The following NOX4 variants were observed in gnomAD, a reference collection of about 807,000 sequenced individuals.
NOX4 encodes NADPH oxidase 4.
In NOX4, 69 loss-of-function variants were observed where a neutral mutation model predicts 87.6. That is an observed-to-expected ratio of 0.79 (90% CI 0.65 to 0.96). The LOEUF (loss-of-function observed/expected upper bound fraction) is 0.96. NOX4 is among the 40% of genes least tolerant of loss of function. The pLI is 0.00. For synonymous variants in NOX4, 275 were observed against 238.2 expected (o/e 1.15, Z -1.42); for missense variants, 680 against 681.5 (o/e 1.00, Z 0.02).
chr11:89,550,584 T>A, the NOX4 span, among the ~76,000 whole-genome samples: 3 of 152,336 alleles, frequency 2.0e-5, no homozygotes, highest in South Asian at 6.2e-4. Flanking sequence ...CTTGGCCACA[T>A]AAATGTCTTC....
chr11:89,508,937 A>G, the NOX4 span, among the ~76,000 whole-genome samples: 1 of 152,088 alleles, frequency 6.6e-6, no homozygotes, highest in South Asian at 2.1e-4. Flanking sequence ...AAGACTCAGC[A>G]CAGAGATTTT....
chr11:89,580,641 G>C, the NOX4 span, among the ~76,000 whole-genome samples: 1 of 151,964 alleles, frequency 6.6e-6, no homozygotes, highest in African/African-American at 2.4e-5. Flanking sequence ...GAATATGGAG[G>C]CTCACTCTAT....
intron 6 of NOX4, among the ~76,000 whole-genome samples, 178 bp from the exon 7 acceptor site, chr11:89,433,034 AT>A (rs1943891740): frequency 6.6e-6 from 1 of 152,234 alleles, no homozygotes; most frequent in African/African-American, 2.4e-5. Context: ...TTTTAAATTA[AT>A]TTTTGATTGA....
the NOX4 span, among the ~76,000 whole-genome samples, chr11:89,530,738 G>A: frequency 6.6e-6 from 1 of 152,070 alleles, no homozygotes; most frequent in Non-Finnish European, 1.5e-5. Context: ...CCTGGCCAGA[G>A]TTAATTGATC....
At chr11:89,340,875 C>T (rs543320215) in intron 14 of NOX4, among the ~76,000 whole-genome samples, 2 of 151,544 alleles carry the variant, frequency 1.3e-5, no homozygotes, top group South Asian at 2.1e-4. Flanking sequence ...TTGTAAGAAC[C>T]GCCAGAAAGT....
intron 7 of NOX4, among the ~76,000 whole-genome samples, chr11:89,425,963 GCTTT>G (rs1405082585): frequency 1.3e-5 from 2 of 151,352 alleles, no homozygotes; most frequent in Admixed American, 1.3e-4. Context: ...TCCTTTTTTT[GCTTT>G]CTTTAACTAA....
chr11:89,393,617 A>G (rs953327421), intron 11 of NOX4, among the ~76,000 whole-genome samples: 1 of 152,174 alleles, frequency 6.6e-6, no homozygotes, highest in Non-Finnish European at 1.5e-5. Context: ...CAGGTATTTT[A>G]AGATTATGAA....
intron 13 of NOX4, among the ~76,000 whole-genome samples, chr11:89,343,918 A>G (rs952414081): frequency 6.6e-6 from 1 of 151,988 alleles, no homozygotes; most frequent in African/African-American, 2.4e-5. Context: ...AAGTATATAA[A>G]CATTTTTTGA....
At chr11:89,475,297 CAATT>C (rs548358498) in intron 2 of NOX4, among the ~76,000 whole-genome samples, 1 of 151,682 alleles carries the variant, frequency 6.6e-6, no homozygotes. Context: ...AATAGGAAAA[CAATT>C]AGTAAATATA....
rs988812193 is a variant in NOX4, at chr11:89,491,198, G to A, written c.49C>T (p.Leu17Phe). Residue 17 changes from leucine (L) to phenylalanine (F), a missense_variant, in exon 1 of 18, where the codon CTC becomes TTC. By Grantham distance (22) the Leu-to-Phe change is conservative. Transcript: ENST00000263317. ...CTAGCCCGCCATCCTACCAGGCAGA[G>A]GTGTTTAACCCCTTCGTTGGCGAGC... The part of the protein sequence containing the change: ...SWLANEGVKH[L>F]CLFIWLSMNV... The A allele has an allele frequency of 5.6e-6, 9 of 1,613,762 alleles. No individual in the cohort carries two copies. In the Admixed American group the frequency reaches 8.3e-5, roughly 15 times the overall value.
chr11:89,463,441 G>T (rs1945555869), intron 2 of NOX4, among the ~76,000 whole-genome samples: 1 of 151,952 alleles, frequency 6.6e-6, no homozygotes, highest in Admixed American at 6.6e-5. Context: ...AAGAGATGGG[G>T]TCATATCTGT....
At chr11:89,407,421 T>C (rs1021664419) in intron 8 of NOX4, among the ~76,000 whole-genome samples, 2 of 152,114 alleles carry the variant, frequency 1.3e-5, no homozygotes, top group Admixed American at 6.6e-5. Context: ...AGTTTCATTA[T>C]ATGATGTTCC....
At chr11:89,342,903 C>T (rs1187554001) in intron 13 of NOX4, among the ~76,000 whole-genome samples, 2 of 152,028 alleles carry the variant, frequency 1.3e-5, no homozygotes, top group African/African-American at 4.8e-5. Flanking sequence ...TAATATTCAT[C>T]CTCCCATTCT....
chr11:89,496,717 T>C (rs1235132113), upstream of NOX4, among the ~76,000 whole-genome samples: 2 of 152,120 alleles, frequency 1.3e-5, no homozygotes, highest in South Asian at 2.1e-4. Context: ...TTAAAGAAAA[T>C]TCATTTTTTA....
At chr11:89,448,882 CA>C (rs111656944) in intron 4 of NOX4, among the ~76,000 whole-genome samples, 1 of 151,884 alleles carries the variant, frequency 6.6e-6, no homozygotes, top group Admixed American at 6.6e-5. Context: ...GGCCCTGTTT[CA>C]AAAAAATAAA....
At position 89,365,753 on chromosome 11, in the gene NOX4, C is replaced by CAAAAAA. The variant is rs1213376592; in HGVS notation, c.1135+7673_1135+7678dup. 5.4e-3 allele frequency among the ~76,000 whole-genome samples: 303 copies of CAAAAAA among 56,542 alleles called. 10 individuals are homozygous for CAAAAAA. Among genetic ancestry groups the CAAAAAA allele is most frequent in the East Asian group, 0.02 (35 of 1,728 alleles). 37.1% of individuals were successfully genotyped at this position (56,542 alleles called of 152,430 possible). ...TTATCCAAGACCAAGACCACGCCCA[C>CAAAAAA]AAAAAAAAAAAAAAAAAAAAAAACA... On this transcript the variant is annotated intron_variant, in intron 12 of 17. Transcript: ENST00000263317.
chr11:89,403,684 G>A (rs1942005756), intron 8 of NOX4, among the ~76,000 whole-genome samples: 1 of 152,106 alleles, frequency 6.6e-6, no homozygotes, highest in African/African-American at 2.4e-5. Context: ...GGAGGTTGCG[G>A]TGACCCTGAG....
chr11:89,460,858 C>T lies in NOX4; in HGVS notation c.154-8963G>A, dbSNP rs539025706. ...ATGCTGCTGTAAAGACACATGCACA[C>T]GTATGTTTATTGTGCCACTATCCAC... On this transcript the variant is annotated intron_variant, in intron 2 of 17. Transcript: ENST00000263317. Among the ~76,000 whole-genome samples the T allele has an allele frequency of 7.0e-4, 107 of 152,140 alleles. 1 individual carries two copies. The highest frequency in any genetic ancestry group is 1.3e-3 in the Non-Finnish European group (91 of 68,042).
chr11:89,360,467 T>C (rs1257634309), intron 12 of NOX4, among the ~76,000 whole-genome samples: 3 of 152,086 alleles, frequency 2.0e-5, no homozygotes, highest in Non-Finnish European at 2.9e-5. Context: ...TACATAATTT[T>C]ACTTGTCAAT....
Sources: allele counts gnomAD v4.1 joint callset (sites outside exome capture counted in the v4.1 genomes callset), GRCh38; gene constraint gnomAD v4.1.1; transcripts MANE v1.5; gene names NCBI Gene and HGNC (gene_info 2026-07-23, HGNC 2026-07-21).